The following CTNNA3 variants were observed in gnomAD, a reference collection of about 807,000 sequenced individuals.
CTNNA3 encodes catenin alpha 3, also known as catenin alpha-3.
A neutral mutation model predicts 95.7 loss-of-function variants in CTNNA3; 76 were observed. The observed-to-expected ratio is 0.79, with a 90% confidence interval of 0.66 to 0.96. The LOEUF (loss-of-function observed/expected upper bound fraction) is 0.96. Ranked by LOEUF, CTNNA3 falls within the 40% of genes least tolerant of loss-of-function variation. CTNNA3 has a pLI of 0.00. For missense variants in CTNNA3, 1,191 were observed against 1,089.8 expected (o/e 1.09, Z -1.31); for synonymous variants, 431 against 374.4 (o/e 1.15, Z -1.74).
At chr10:65,991,967 G>A (rs189665755) in intron 15 of CTNNA3, among the ~76,000 whole-genome samples, 5 of 152,088 alleles carry the variant, frequency 3.3e-5, no homozygotes, top group Admixed American at 3.3e-4. Flanking sequence ...AAAAGATCTT[G>A]AATTTTATCA....
chr10:67,090,126 C>A (rs1316392953), intron 7 of CTNNA3, among the ~76,000 whole-genome samples: 2 of 152,090 alleles, frequency 1.3e-5, no homozygotes, highest in African/African-American at 4.8e-5. Flanking sequence ...CAAAGGTCTT[C>A]CTGAACATTT....
intron 1 of CTNNA3, among the ~76,000 whole-genome samples, chr10:67,658,225 T>C (rs1840081829): frequency 6.6e-6 from 1 of 152,218 alleles, no homozygotes; most frequent in African/African-American, 2.4e-5. Context: ...ATCAGTTTCC[T>C]AATCCATAAA....
At chr10:67,509,464 A>C (rs1252880031) in intron 5 of CTNNA3, among the ~76,000 whole-genome samples, 1 of 152,042 alleles carries the variant, frequency 6.6e-6, no homozygotes, top group African/African-American at 2.4e-5. Context: ...TCCTTGTGAT[A>C]GTTTGCTGAG....
At chr10:67,550,673 A>ATT (rs1418943291) in intron 3 of CTNNA3, among the ~76,000 whole-genome samples, 1 of 138,858 alleles carries the variant, frequency 7.2e-6, no homozygotes, top group African/African-American at 3.3e-5. Context: ...AAATTTCTTT[A>ATT]CCGTAGAATA....
intron 11 of CTNNA3, among the ~76,000 whole-genome samples, chr10:66,400,812 C>A (rs2093014641): frequency 6.6e-6 from 1 of 152,084 alleles, no homozygotes; most frequent in Non-Finnish European, 1.5e-5. Flanking sequence ...CTTCCAACAG[C>A]TTCATATAAA....
intron 7 of CTNNA3, among the ~76,000 whole-genome samples, chr10:66,856,727 A>C (rs1339616221): frequency 1.3e-5 from 2 of 151,900 alleles, no homozygotes; most frequent in African/African-American, 4.8e-5. Flanking sequence ...GTGTCTGTTC[A>C]TGTCCTTTGC....
chr10:67,386,912 G>A (rs1844191152), intron 5 of CTNNA3, among the ~76,000 whole-genome samples: 1 of 152,172 alleles, frequency 6.6e-6, no homozygotes, highest in Non-Finnish European at 1.5e-5. Context: ...CTGATCAAAA[G>A]CAAGTGAAAG....
intron 7 of CTNNA3, among the ~76,000 whole-genome samples, chr10:66,971,871 A>T (rs1757426166): frequency 6.6e-6 from 1 of 151,568 alleles, no homozygotes; most frequent in South Asian, 2.1e-4. Flanking sequence ...AGCCAAAATC[A>T]TTTTTTTTCA....
At chr10:66,360,671 C>CTT (rs1564896401) in intron 12 of CTNNA3, among the ~76,000 whole-genome samples, 1,112 of 65,244 alleles carry the variant, frequency 0.017, 45 homozygotes, top group Middle Eastern at 0.029. Flanking sequence ...TCCTTCCTTC[C>CTT]TTCCTTCCTT....
chr10:66,678,920 A>AG (rs2132494824), intron 9 of CTNNA3, among the ~76,000 whole-genome samples: 1 of 152,274 alleles, frequency 6.6e-6, no homozygotes, highest in Non-Finnish European at 1.5e-5. Context: ...ATGTAAAGTA[A>AG]TGTTTAAAGG....
chr10:67,357,038 C>T (rs570588845), intron 5 of CTNNA3, among the ~76,000 whole-genome samples: 1 of 152,204 alleles, frequency 6.6e-6, no homozygotes, highest in East Asian at 1.9e-4. Flanking sequence ...CCTCAAACCT[C>T]CAACATTTTC....
At chr10:67,481,415 A>G (rs917365248) in intron 5 of CTNNA3, among the ~76,000 whole-genome samples, 1 of 152,198 alleles carries the variant, frequency 6.6e-6, no homozygotes, top group Non-Finnish European at 1.5e-5. Context: ...AAACAGATAA[A>G]CAACTTCAGT....
intron 13 of CTNNA3, among the ~76,000 whole-genome samples, chr10:66,164,707 T>C (rs1376417538): frequency 6.6e-6 from 1 of 152,174 alleles, no homozygotes; most frequent in Non-Finnish European, 1.5e-5. Flanking sequence ...TATGGTTGTG[T>C]TCTATGTGAA....
Position 67,180,418 on chromosome 10 carries a change from C to A in CTNNA3, c.946G>T (p.Asp316Tyr), listed in dbSNP as rs1377144617. Residue 316 changes from aspartate to tyrosine, a missense_variant, in exon 7 of 18, where the codon GAT becomes TAT. Coordinates refer to ENST00000433211, the MANE Select transcript of CTNNA3 (RefSeq NM_013266.4). ...AIISGAALLADSSCTRDLHRE... is the reference protein window; with the variant it reads ...AIISGAALLAYSSCTRDLHRE... ...TGTAAGTCCCTCGTACATGAAGAAT[C>A]CGCCAGCAGAGCAGCCCCACTGATA... 1.2e-6 allele frequency: 2 copies of A among 1,613,768 alleles called. No individual in the cohort carries two copies. The highest frequency in any genetic ancestry group is 1.3e-5 in the African/African-American group (1 of 74,904).
chr10:66,246,698 A>G (rs1459062070), intron 13 of CTNNA3, among the ~76,000 whole-genome samples: 3 of 152,016 alleles, frequency 2.0e-5, no homozygotes, highest in East Asian at 3.9e-4. Flanking sequence ...AAAAAATGCA[A>G]TTGACATACT....
At chr10:67,547,115 A>G (rs1156357730) in intron 3 of CTNNA3, among the ~76,000 whole-genome samples, 1 of 152,184 alleles carries the variant, frequency 6.6e-6, no homozygotes, top group Non-Finnish European at 1.5e-5. Context: ...AAAATGAACC[A>G]CTTCAATGAG....
chr10:66,373,324 G>C (rs1282052405), intron 12 of CTNNA3, among the ~76,000 whole-genome samples: 1 of 151,822 alleles, frequency 6.6e-6, no homozygotes, highest in African/African-American at 2.4e-5. Context: ...ACTAGATCTG[G>C]GTCCTATATA....
At position 67,180,472 on chromosome 10, in the gene CTNNA3, G is replaced by T. The variant is rs1287288566; in HGVS notation, c.892C>A (p.Pro298Thr). 1 of 1,613,840 alleles carries T rather than the reference G, an allele frequency of 6.2e-7. No homozygotes were observed. Among genetic ancestry groups the T allele is most frequent in the East Asian group, 2.2e-5 (1 of 44,854 alleles). ...GCTTCAAGGCGTTTCTCTAGTGATG[G>T]TCGTATTTCCTCCTCAGTTACTGTG... Reference protein sequence around the residue: ...PLTVTEEEIRPSLEKRLEAII... With the variant: ...PLTVTEEEIRTSLEKRLEAII... Residue 298 changes from proline (P) to threonine (T), a missense_variant, in exon 7 of 18, where the codon CCA becomes ACA. Physicochemically the swap from Pro to Thr is conservative, Grantham distance 38 (BLOSUM62 -1). Transcript: ENST00000433211.
In CTNNA3 at chr10:66,256,226, T is replaced by C. The variant is rs185978149; in HGVS notation, c.1884+24244A>G. On this transcript the variant is annotated intron_variant, in intron 13 of 17. Transcript: ENST00000433211. The stretch of plus-strand genomic sequence containing the variant: ...CCTGCCCTTTTACAAGCTAGACTGC[T>C]GGACACTATGCAAAAATATGCAAAT... 1.6e-4 allele frequency among the ~76,000 whole-genome samples: 25 copies of C among 152,304 alleles called. No individual in the cohort carries two copies. The East Asian group carries it at 4.8e-3, about 29-fold the overall frequency.
Sources: allele counts gnomAD v4.1 joint callset (sites outside exome capture counted in the v4.1 genomes callset), GRCh38; gene constraint gnomAD v4.1.1; transcripts MANE v1.5; gene names NCBI Gene and HGNC (gene_info 2026-07-23, HGNC 2026-07-21).